Variants in CRBN observed in about 807,000 individuals in gnomAD.
CRBN encodes the protein cereblon, also known as protein cereblon.
CRBN carries 53 observed loss-of-function variants against 62.2 expected under a neutral mutation model. The observed-to-expected ratio is 0.85, with a 90% CI of 0.68 to 1.07. The LOEUF (loss-of-function observed/expected upper bound fraction) is 1.07. CRBN is among the 50% of genes least tolerant of loss of function. The pLI is 0.00. For missense variants in CRBN, 616 were observed against 531.1 expected (o/e 1.16, Z -1.57); for synonymous variants, 208 against 176.1 (o/e 1.18, Z -1.43).
chr3:3,173,905 C>A, intron 3 of CRBN, 154 bp downstream of exon 3: 1 of 688,984 alleles, frequency 1.5e-6, no homozygotes, highest in Non-Finnish European at 2.6e-6. Flanking sequence ...CCAACTTGCA[C>A]TATCAAACTT....
At chr3:3,155,160 T>C (rs990653914) in intron 6 of CRBN, 3 of 310,574 alleles carry the variant, frequency 9.7e-6, no homozygotes, top group Non-Finnish European at 1.8e-5. Context: ...ACCCAGTCCA[T>C]AGGGATTATG....
intron 1 of CRBN, among the ~76,000 whole-genome samples, chr3:3,179,346 C>T (rs570480765): frequency 2.0e-5 from 3 of 152,192 alleles, no homozygotes; most frequent in Non-Finnish European, 4.4e-5. Flanking sequence ...AAACTCAGAA[C>T]ACAAGGAGGA....
intron 4 of CRBN, among the ~76,000 whole-genome samples, chr3:3,171,568 A>G: frequency 6.6e-6 from 1 of 152,174 alleles, no homozygotes; most frequent in African/African-American, 2.4e-5. Flanking sequence ...TGCACAGTGA[A>G]TGTTCTGGAA....
At position 3,151,045 on chromosome 3, in the gene CRBN, C is replaced by T. The variant is rs141575365; in HGVS notation, c.1149G>A (p.Gly383=). The T allele has an allele frequency of 5.6e-6, 9 of 1,613,478 alleles. No individual in the cohort carries two copies. The highest frequency in any genetic ancestry group is 2.7e-5 in the African/African-American group (2 of 74,800). The change falls in exon 11 of 11, where the codon GGG becomes GGA. Residue 383 remains glycine (G), a splice_region_variant and synonymous_variant. Transcript: ENST00000231948. ...TACACTGGGCAACAGTCCAGGCATA[C>T]CTAAGAAATTAAGGAAAGATATCAG... is the stretch of plus-strand genomic sequence containing the variant. ...RPSTEHSWFP[G]YAWTVAQCKI...
chr3:3,179,513 C>G (rs1217947372), intron 1 of CRBN, 108 bp downstream of exon 1: 4 of 1,103,744 alleles, frequency 3.6e-6, no homozygotes, highest in African/African-American at 3.1e-5. Context: ...GCTGGGCTGG[C>G]TCGCCAGGCT....
intron 3 of CRBN, chr3:3,173,853 T>G: frequency 1.7e-6 from 1 of 596,228 alleles, no homozygotes; most frequent in Non-Finnish European, 3.0e-6. Context: ...TGTATGAAGG[T>G]GAAGAGCTGA....
intron 9 of CRBN, chr3:3,152,919 G>T (rs776732948): frequency 3.5e-5 from 12 of 341,622 alleles, no homozygotes; most frequent in Non-Finnish European, 6.0e-5. Flanking sequence ...GCAATGACAA[G>T]GTCCTGTGTG....
chr3:3,168,978 A>G (rs1270749068), intron 4 of CRBN, among the ~76,000 whole-genome samples: 1 of 152,216 alleles, frequency 6.6e-6, no homozygotes, highest in Admixed American at 6.5e-5. Context: ...CATGAACACA[A>G]ATAACTTGTT....
chr3:3,152,192 C>T (rs1434909345), intron 10 of CRBN, among the ~76,000 whole-genome samples: 1 of 150,570 alleles, frequency 6.6e-6, no homozygotes, highest in Non-Finnish European at 1.5e-5. Flanking sequence ...ACTCTGTCAC[C>T]CAGGCTGGAC....
chr3:3,165,262 C>G (rs1385473653), intron 5 of CRBN, among the ~76,000 whole-genome samples: 2 of 152,192 alleles, frequency 1.3e-5, no homozygotes, highest in Non-Finnish European at 2.9e-5. Context: ...ACAAAGAATT[C>G]AGAATATTAC....
chr3:3,159,642 G>T (rs1707054962), intron 5 of CRBN, among the ~76,000 whole-genome samples: 1 of 152,144 alleles, frequency 6.6e-6, no homozygotes, highest in Non-Finnish European at 1.5e-5. Context: ...AGAGTCAGAA[G>T]ACCTCTAAAA....
At chr3:3,164,272 T>A (rs1025890125) in intron 5 of CRBN, among the ~76,000 whole-genome samples, 1 of 152,214 alleles carries the variant, frequency 6.6e-6, no homozygotes, top group Non-Finnish European at 1.5e-5. Context: ...TAGAAACACA[T>A]GTCAAAGCTG....
chr3:3,179,331 G>A (rs1315840631), intron 1 of CRBN, among the ~76,000 whole-genome samples: 3 of 152,178 alleles, frequency 2.0e-5, no homozygotes, highest in Admixed American at 2.0e-4. Context: ...CATTTCCTAG[G>A]AGCTAAACTC....
At chr3:3,151,165 G>T in intron 10 of CRBN, 120 bp from the exon 11 acceptor site, 1 of 1,085,502 alleles carries the variant, frequency 9.2e-7, no homozygotes, top group Non-Finnish European at 1.4e-6. Flanking sequence ...ATTCTAAGTT[G>T]AGATTTGATC....
intron 5 of CRBN, 187 bp from the exon 6 acceptor site, chr3:3,156,468 CA>C: frequency 1.7e-6 from 1 of 599,232 alleles, no homozygotes; most frequent in Non-Finnish European, 3.0e-6. Context: ...CTATATCCTT[CA>C]AATATATATT....
intron 4 of CRBN, among the ~76,000 whole-genome samples, chr3:3,168,909 G>A (rs1019503960): frequency 6.6e-6 from 1 of 152,116 alleles, no homozygotes; most frequent in Non-Finnish European, 1.5e-5. Context: ...ATGGTCAAGT[G>A]TTCTTATATT....
intron 6 of CRBN, chr3:3,156,015 G>A: frequency 1.8e-6 from 1 of 554,258 alleles, no homozygotes; most frequent in Non-Finnish European, 3.3e-6. Flanking sequence ...TGTTGCCCAG[G>A]CTGGTCTTGA....
intron 4 of CRBN, 82 bp downstream of exon 4, chr3:3,172,694 G>A: frequency 2.1e-6 from 3 of 1,395,906 alleles, no homozygotes; most frequent in Non-Finnish European, 3.1e-6. Context: ...AAATATGAAG[G>A]CTCAGTAGAA....
At chr3:3,169,493 A>C (rs1481159107) in intron 4 of CRBN, among the ~76,000 whole-genome samples, 1 of 152,202 alleles carries the variant, frequency 6.6e-6, no homozygotes. Flanking sequence ...AAACCGCACA[A>C]ATCTGGAAAA....
Sources: allele counts gnomAD v4.1 joint callset (sites outside exome capture counted in the v4.1 genomes callset), GRCh38; gene constraint gnomAD v4.1.1; transcripts MANE v1.5; gene names NCBI Gene and HGNC (gene_info 2026-07-23, HGNC 2026-07-21).